Variants in CNTNAP2 observed in about 807,000 individuals in gnomAD.
The protein encoded by CNTNAP2 is contactin-associated protein-like 2.
In CNTNAP2, 98 loss-of-function variants were observed where a neutral mutation model predicts 155.2. That is an observed-to-expected ratio of 0.63 (90% CI 0.54 to 0.75). CNTNAP2 has a LOEUF of 0.75. CNTNAP2 is among the 30% of genes least tolerant of loss of function. The pLI is 0.00. For missense variants in CNTNAP2, 1,727 were observed against 1,688.1 expected, an observed-to-expected ratio of 1.02 and a Z score of -0.40; for synonymous variants, 651 against 631.2, an observed-to-expected ratio of 1.03 and a Z score of -0.47.
At chr7:147,667,907 T>C (rs1031238904) in intron 13 of CNTNAP2, among the ~76,000 whole-genome samples, 60 of 151,388 alleles carry the variant, frequency 4.0e-4, no homozygotes, top group African/African-American at 1.4e-3. Flanking sequence ...GGGCTTGGGG[T>C]GGTGTCACTA....
At chr7:148,153,184 T>C (rs1805336663) in intron 17 of CNTNAP2, among the ~76,000 whole-genome samples, 1 of 150,252 alleles carries the variant, frequency 6.7e-6, no homozygotes, top group Admixed American at 6.7e-5. Context: ...GTGTGATCTT[T>C]GCAAAGGTGG....
chr7:146,125,202 A>C (rs1197067994), intron 1 of CNTNAP2, among the ~76,000 whole-genome samples: 1 of 152,176 alleles, frequency 6.6e-6, no homozygotes, highest in African/African-American at 2.4e-5. Context: ...GTAAGCATTT[A>C]AGTTATTAAG....
At chr7:146,490,782 T>A (rs1156457496) in intron 1 of CNTNAP2, among the ~76,000 whole-genome samples, 4 of 152,208 alleles carry the variant, frequency 2.6e-5, no homozygotes, top group Non-Finnish European at 5.9e-5. Flanking sequence ...AGTAGTTTAT[T>A]CACCTTACTA....
chr7:146,868,597 G>A (rs1795248548), intron 3 of CNTNAP2, among the ~76,000 whole-genome samples: 1 of 152,096 alleles, frequency 6.6e-6, no homozygotes, highest in African/African-American at 2.4e-5. Context: ...TTTGTAAATT[G>A]CTTTGGGCTG....
At chr7:148,061,667 A>G (rs894251503) in intron 15 of CNTNAP2, among the ~76,000 whole-genome samples, 6 of 152,040 alleles carry the variant, frequency 3.9e-5, no homozygotes, top group Non-Finnish European at 7.4e-5. Flanking sequence ...CAAAGTGCCC[A>G]CTTAATATTA....
At chr7:146,544,662 A>T (rs147484195) in intron 1 of CNTNAP2, among the ~76,000 whole-genome samples, 1 of 152,058 alleles carries the variant, frequency 6.6e-6, no homozygotes, top group East Asian at 1.9e-4. Context: ...TAGAGTCTAT[A>T]TTTAAAGAAC....
intron 13 of CNTNAP2, among the ~76,000 whole-genome samples, chr7:147,835,362 C>T (rs781734728): frequency 1.3e-5 from 2 of 152,132 alleles, no homozygotes; most frequent in Non-Finnish European, 2.9e-5. Flanking sequence ...TGTCACTCCT[C>T]GTTTTAAGGG....
intron 1 of CNTNAP2, among the ~76,000 whole-genome samples, chr7:146,312,806 C>A (rs962745971): frequency 6.6e-6 from 1 of 151,994 alleles, no homozygotes; most frequent in African/African-American, 2.4e-5. Context: ...GAGATCATAC[C>A]GTATTTGTCT....
intron 15 of CNTNAP2, among the ~76,000 whole-genome samples, chr7:147,990,745 T>C (rs1046459303): frequency 2.0e-5 from 3 of 152,122 alleles, no homozygotes; most frequent in African/African-American, 7.2e-5. Flanking sequence ...TGTCAAGAAT[T>C]CCCTACTCTT....
At chr7:146,934,099 C>T (rs972766265) in intron 3 of CNTNAP2, among the ~76,000 whole-genome samples, 6 of 151,920 alleles carry the variant, frequency 3.9e-5, no homozygotes, top group African/African-American at 1.5e-4. Flanking sequence ...GGGTATATAC[C>T]CAAAGGACTA....
intron 1 of CNTNAP2, among the ~76,000 whole-genome samples, chr7:146,198,396 C>T (rs1413923227): frequency 1.3e-5 from 2 of 152,084 alleles, no homozygotes. Context: ...AAGTGAATGA[C>T]TTATTCGTTA....
In CNTNAP2 at chr7:148,266,926, A is replaced by G; in HGVS notation, c.3382-107A>G. The G allele has an allele frequency of 3.0e-6, 3 of 1,004,502 alleles. 1 individual carries two copies. The South Asian group carries it at 3.8e-5, about 13-fold the overall frequency. 62.2% of individuals were successfully genotyped at this position (1,004,502 alleles called of 1,614,324 possible). A position where few individuals can be genotyped will look rare whatever the true frequency, so the allele number is the denominator to read the frequency against. The stretch of plus-strand genomic sequence containing the variant: ...AGAGTCAGTGCTGATGAAATAAGAT[A>G]TCAGAAAACCAGGGTTCAAAGAGTG... On this transcript the variant is annotated intron_variant, in intron 20 of 23. Transcript: ENST00000361727.
At chr7:146,270,522 T>C (rs577617459) in intron 1 of CNTNAP2, among the ~76,000 whole-genome samples, 1 of 152,324 alleles carries the variant, frequency 6.6e-6, no homozygotes, top group East Asian at 1.9e-4. Flanking sequence ...GCTTTGATGA[T>C]AATCAATAAT....
intron 8 of CNTNAP2, among the ~76,000 whole-genome samples, chr7:147,168,458 C>A (rs1417604582): frequency 6.6e-6 from 1 of 151,800 alleles, no homozygotes; most frequent in Non-Finnish European, 1.5e-5. Flanking sequence ...TACTTTTTTC[C>A]TAAATTGCTT....
chr7:148,382,796 G>T (rs2116657323), intron 21 of CNTNAP2, among the ~76,000 whole-genome samples: 1 of 152,372 alleles, frequency 6.6e-6, no homozygotes, highest in South Asian at 2.1e-4. Flanking sequence ...TCTGAGGTCA[G>T]TCCGCCTGGC....
At chr7:146,697,291 G>A (rs1800798282) in intron 1 of CNTNAP2, among the ~76,000 whole-genome samples, 1 of 151,554 alleles carries the variant, frequency 6.6e-6, no homozygotes. Flanking sequence ...AGGCTGGAGT[G>A]CTGTGGCGCA....
chr7:146,818,533 T>A (rs1803217669), intron 2 of CNTNAP2, among the ~76,000 whole-genome samples: 2 of 151,940 alleles, frequency 1.3e-5, no homozygotes. Context: ...TTTAAATACC[T>A]CCATGGAAAA....
intron 1 of CNTNAP2, among the ~76,000 whole-genome samples, chr7:146,242,528 ACT>A (rs1294619698): frequency 6.7e-6 from 1 of 148,306 alleles, no homozygotes; most frequent in African/African-American, 2.6e-5. Context: ...ACAGAGTGAG[ACT>A]CTGTCTCAAA....
At chr7:147,644,944 T>C (rs1795342341) in intron 13 of CNTNAP2, among the ~76,000 whole-genome samples, 1 of 152,178 alleles carries the variant, frequency 6.6e-6, no homozygotes, top group African/African-American at 2.4e-5. Flanking sequence ...TTTTTCTGGC[T>C]ATATTTAGCC....
Sources: gnomAD v4.1 joint callset for allele counts (sites outside exome capture counted in the v4.1 genomes callset) on GRCh38, gnomAD v4.1.1 for gene constraint, MANE v1.5 for transcripts, NCBI Gene and HGNC (gene_info 2026-07-23, HGNC 2026-07-21) for gene names.